The following HORMAD2 variants were observed in gnomAD, a reference collection of about 807,000 sequenced individuals.
HORMAD2 encodes the protein HORMA domain containing 2.
A neutral mutation model predicts 38.8 loss-of-function variants in HORMAD2; 45 were observed. The ratio of observed to expected loss-of-function variants is 1.16; its 90% CI spans 0.91 to 1.49. The LOEUF is 1.49. HORMAD2 is among the 40% of genes most tolerant of loss of function. The pLI is 0.00. For synonymous variants in HORMAD2, 126 were observed against 122.8 expected (o/e 1.03, Z -0.17); for missense variants, 338 against 367.0 (o/e 0.92, Z 0.65).
chr22:30,090,078 AGGGGTCG>A (rs2068654869), intron 1 of HORMAD2, among the ~76,000 whole-genome samples: 1 of 152,208 alleles, frequency 6.6e-6, no homozygotes, highest in Admixed American at 6.5e-5. Flanking sequence ...AAGATTGAAT[AGGGGTCG>A]GGTGTGGTGG....
chr22:30,167,854 A>G (rs1222122614), intron 10 of HORMAD2, among the ~76,000 whole-genome samples: 1 of 152,118 alleles, frequency 6.6e-6, no homozygotes, highest in Non-Finnish European at 1.5e-5. Flanking sequence ...TAAACTTGAA[A>G]TCAGAAGACT....
At chr22:30,095,436 A>T (rs2068764433) in intron 2 of HORMAD2, among the ~76,000 whole-genome samples, 2 of 152,198 alleles carry the variant, frequency 1.3e-5, no homozygotes, top group African/African-American at 4.8e-5. Context: ...CTTTGGAGCC[A>T]TTAGAGTCTA....
chr22:30,088,284 CATACATATATATACACATAT>C (rs1405294725), intron 1 of HORMAD2, among the ~76,000 whole-genome samples: 2 of 150,208 alleles, frequency 1.3e-5, no homozygotes, highest in Non-Finnish European at 3.0e-5. Context: ...CACATATATA[CATACATATATATACACATAT>C]ATACATATAT....
chr22:30,184,719 G>A, the HORMAD2 span: 1 of 152,144 alleles, frequency 6.6e-6, no homozygotes, highest in South Asian at 2.1e-4. Context: ...AAAGCCTGGG[G>A]AGTAGATTAG....
At chr22:30,122,350 T>C (rs1922521774) in intron 10 of HORMAD2, 136 bp downstream of exon 10, 2 of 722,016 alleles carry the variant, frequency 2.8e-6, no homozygotes, top group Non-Finnish European at 2.1e-6. Context: ...CATCAAGGAG[T>C]TTTTAATCTA....
the HORMAD2 span, among the ~76,000 whole-genome samples, chr22:30,192,862 T>C: frequency 6.6e-6 from 1 of 152,156 alleles, no homozygotes; most frequent in African/African-American, 2.4e-5. Flanking sequence ...AATGGCAGGA[T>C]AGAGGATGGT....
chr22:30,139,423 GC>G (rs1039246519), intron 10 of HORMAD2, among the ~76,000 whole-genome samples: 13 of 150,022 alleles, frequency 8.7e-5, no homozygotes, highest in African/African-American at 2.9e-4. Context: ...TGATACGCTT[GC>G]TGAACTCGTT....
rs10716115 is a variant in HORMAD2, at chr22:30,134,701, G to GA, written c.819+12496dup. Among the ~76,000 whole-genome samples the GA allele has an allele frequency of 4.8e-3, 725 of 149,546 alleles. 8 individuals carry two copies. The highest frequency in any genetic ancestry group is 0.017 in the African/African-American group (681 of 40,900). On this transcript the variant is annotated intron_variant, in intron 10 of 10. Transcript: ENST00000336726. Reference sequence around the variant, plus strand: ...GAGCCTTGCTCTGTCACCAAAAAAAGAAAAAAAAAGTTCTACTATATTCTA... The same window carrying GA: ...GAGCCTTGCTCTGTCACCAAAAAAAGAAAAAAAAAAGTTCTACTATATTCTA...
chr22:30,163,293 C>A (rs952913743), intron 10 of HORMAD2, among the ~76,000 whole-genome samples: 3 of 152,082 alleles, frequency 2.0e-5, no homozygotes, highest in South Asian at 2.1e-4. Context: ...AGGATAGACA[C>A]CTAGGGGGCC....
chr22:30,184,542 C>T, the HORMAD2 span: 32 of 152,012 alleles, frequency 2.1e-4, no homozygotes, highest in African/African-American at 7.3e-4. Flanking sequence ...CCTTAAAATG[C>T]TATTTTAATG....
At chr22:30,083,503 G>A (rs1216638862) in intron 1 of HORMAD2, among the ~76,000 whole-genome samples, 4 of 152,182 alleles carry the variant, frequency 2.6e-5, no homozygotes, top group Non-Finnish European at 5.9e-5. Flanking sequence ...CATACCTCCT[G>A]TGAACTTGTG....
the HORMAD2 span, among the ~76,000 whole-genome samples, chr22:30,186,009 G>T: frequency 1.6e-4 from 24 of 151,832 alleles, no homozygotes; most frequent in African/African-American, 5.3e-4. Flanking sequence ...TTTTTCTTGG[G>T]GGGGGAGGCA....
At chr22:30,142,515 GT>G (rs1269155009) in intron 10 of HORMAD2, among the ~76,000 whole-genome samples, 2 of 151,918 alleles carry the variant, frequency 1.3e-5, no homozygotes, top group Non-Finnish European at 2.9e-5. Context: ...TTCTTGATCA[GT>G]TTTTCTTCAT....
chr22:30,088,098 C>CACACGTGTACATATACACACAT (rs2068608055), intron 1 of HORMAD2, among the ~76,000 whole-genome samples: 1 of 142,512 alleles, frequency 7.0e-6, no homozygotes, highest in African/African-American at 2.5e-5. Flanking sequence ...TATACACACA[C>CACACGTGTACATATACACACAT]GTACACACGT....
Position 30,176,280 on chromosome 22 carries a change from T to G in HORMAD2, c.*113T>G, listed in dbSNP as rs1254185563. On this transcript the variant is annotated 3_prime_UTR_variant, in exon 11 of 11. Transcript: ENST00000336726. Reference sequence around the variant, plus strand: ...TGTTACCAAAACCTTTTTCTAAATTTTTTGCTCAATTTTTTTTGTCAGTTG... The same window carrying G: ...TGTTACCAAAACCTTTTTCTAAATTGTTTGCTCAATTTTTTTTGTCAGTTG... The G allele has an allele frequency of 2.6e-6, 2 of 759,570 alleles. No individual in the cohort carries two copies. Among genetic ancestry groups the G allele is most frequent in the African/African-American group, 3.5e-5 (2 of 56,420 alleles). 47.1% of individuals were successfully genotyped at this position (759,570 alleles called of 1,614,324 possible).
intron 7 of HORMAD2, among the ~76,000 whole-genome samples, chr22:30,117,221 A>G (rs1275512791): frequency 6.6e-6 from 1 of 152,192 alleles, no homozygotes. Flanking sequence ...AGTAACAGAA[A>G]CACTGAGACT....
intron 10 of HORMAD2, among the ~76,000 whole-genome samples, chr22:30,162,282 C>T (rs1601589628): frequency 6.6e-6 from 1 of 151,590 alleles, no homozygotes; most frequent in Non-Finnish European, 1.5e-5. Context: ...CCACTGCACC[C>T]CAGCCTAGGT....
chr22:30,161,319 G>A (rs749334310), intron 10 of HORMAD2, among the ~76,000 whole-genome samples: 1 of 152,126 alleles, frequency 6.6e-6, no homozygotes, highest in African/African-American at 2.4e-5. Context: ...AGCACTTATA[G>A]AGGCTCATGT....
Position 30,176,515 on chromosome 22 carries a change from C to T in HORMAD2, c.*348C>T, listed in dbSNP as rs1926468538. 4.5e-6 allele frequency: 1 copy of T among 219,996 alleles called. No individual in the cohort carries two copies. The highest frequency in any genetic ancestry group is 5.4e-5 in the Admixed American group (1 of 18,672). The allele number at this position is 219,996 out of a possible 1,614,324, so 13.6% of individuals were successfully genotyped here. A position where few individuals can be genotyped will look rare whatever the true frequency, so the allele number is the denominator to read the frequency against. On this transcript the variant is annotated 3_prime_UTR_variant, in exon 11 of 11. Coordinates refer to ENST00000336726, the MANE Select transcript of HORMAD2 (RefSeq NM_152510.4). ...AGAAGGATTTTTTTGCATAATTAAA[C>T]TCTTCAGCTATTTAGACTACTGTGA...
Sources: allele counts gnomAD v4.1 joint callset (sites outside exome capture counted in the v4.1 genomes callset), GRCh38; gene constraint gnomAD v4.1.1; transcripts MANE v1.5; gene names NCBI Gene and HGNC (gene_info 2026-07-23, HGNC 2026-07-21).